GOLIM4: variants seen among roughly 807,000 people sequenced by gnomAD.
GOLIM4 encodes 130 kDa golgi-localized phosphoprotein.
In GOLIM4, 71 loss-of-function variants were observed where a neutral mutation model predicts 107.4. The observed-to-expected ratio is 0.66, with a 90% CI of 0.55 to 0.81. The LOEUF is 0.81. GOLIM4 is among the 30% of genes least tolerant of loss of function. The probability of loss-of-function intolerance (pLI) is 0.00; values close to 1 mark genes in which losing one functional copy is unlikely to be tolerated. For synonymous variants in GOLIM4, 327 were observed against 294.8 expected (o/e 1.11, Z -1.12); for missense variants, 830 against 826.1 (o/e 1.00, Z -0.06).
chr3:168,052,984 A>G (rs1168133860), intron 1 of GOLIM4, among the ~76,000 whole-genome samples: 1 of 152,246 alleles, frequency 6.6e-6, no homozygotes, highest in Non-Finnish European at 1.5e-5. Context: ...CCAAGAACTC[A>G]GGAGAAAAAG....
At chr3:168,027,705 G>A (rs777219528) in intron 12 of GOLIM4, 23 bp downstream of exon 12, 50 of 1,369,764 alleles carry the variant, frequency 3.7e-5, no homozygotes, top group Non-Finnish European at 5.2e-5. Context: ...ACATGTGTCA[G>A]GGGCAGAAGA....
chr3:168,044,863 A>G lies in GOLIM4; in HGVS notation c.331T>C (p.Tyr111His). The G allele has an allele frequency of 6.4e-7, 1 of 1,556,066 alleles. No homozygotes were observed. Among genetic ancestry groups the G allele is most frequent in the East Asian group, 2.2e-5 (1 of 44,478 alleles). Reference sequence around the variant, plus strand: ...TGATGTTGGACATTCAGTGCACTGTATCTGCTATTGGAATCTTGCTGTAAA... The same window carrying G: ...TGATGTTGGACATTCAGTGCACTGTGTCTGCTATTGGAATCTTGCTGTAAA... ...NKGRQDSNSRYSALNVQHQML... is the reference protein window; with the variant it reads ...NKGRQDSNSRHSALNVQHQML... The change falls in exon 4 of 16, where the codon TAC becomes CAC. Residue 111 changes from tyrosine to histidine, a missense_variant. Coordinates refer to ENST00000470487, the MANE Select transcript of GOLIM4 (RefSeq NM_014498.5).
intron 6 of GOLIM4, chr3:168,041,111 A>T: frequency 4.0e-6 from 2 of 502,026 alleles, no homozygotes; most frequent in South Asian, 7.0e-5. Flanking sequence ...CCAAAGAAAC[A>T]AATTTCTCAT....
Position 168,057,044 on chromosome 3 carries a change from G to A in GOLIM4, c.188-8679C>T, listed in dbSNP as rs1021443901. Among the ~76,000 whole-genome samples, 4 of 152,242 alleles carry A rather than the reference G, an allele frequency of 2.6e-5. No homozygotes were observed. The East Asian group carries it at 5.8e-4, about 22-fold the overall frequency. ...CATCTTGAATTCCCATATGTTGAGG[G>A]GGGGACCCGGTGGGAGGTAACCAAA... On this transcript the variant is annotated intron_variant, in intron 1 of 15. Coordinates refer to ENST00000470487, the MANE Select transcript of GOLIM4 (RefSeq NM_014498.5).
chr3:168,024,378 TGC>T, intron 14 of GOLIM4, 146 bp downstream of exon 14: 4 of 649,474 alleles, frequency 6.2e-6, no homozygotes, highest in African/African-American at 1.8e-5. Context: ...GATCCATTTT[TGC>T]TTTAAACCAC....
intron 1 of GOLIM4, among the ~76,000 whole-genome samples, chr3:168,059,802 G>A (rs2108266513): frequency 6.6e-6 from 1 of 152,296 alleles, no homozygotes; most frequent in South Asian, 2.1e-4. Flanking sequence ...AGGCCTCACT[G>A]AGAAGGATAT....
At chr3:168,067,894 T>C (rs959755752) in intron 1 of GOLIM4, among the ~76,000 whole-genome samples, 1 of 151,950 alleles carries the variant, frequency 6.6e-6, no homozygotes, top group Admixed American at 6.6e-5. Context: ...ATATACCTGA[T>C]ATTTATTGTG....
intron 1 of GOLIM4, among the ~76,000 whole-genome samples, chr3:168,071,510 T>C (rs1720828024): frequency 1.3e-5 from 2 of 151,812 alleles, no homozygotes; most frequent in Non-Finnish European, 2.9e-5. Context: ...TTCTTGATGA[T>C]AGGTGGAAAC....
intron 1 of GOLIM4, among the ~76,000 whole-genome samples, chr3:168,075,286 GTTTTT>G (rs374374393): frequency 1.1e-5 from 1 of 94,224 alleles, no homozygotes; most frequent in African/African-American, 4.3e-5. Flanking sequence ...ACATTCACTA[GTTTTT>G]TTTTTTTTTT....
chr3:168,048,586 C>A (rs1014294612), intron 1 of GOLIM4, among the ~76,000 whole-genome samples: 3 of 152,162 alleles, frequency 2.0e-5, no homozygotes, highest in Non-Finnish European at 4.4e-5. Flanking sequence ...AAAGCCAGTA[C>A]TCTGAATGAT....
chr3:168,039,218 T>C (rs1355106899), intron 7 of GOLIM4, among the ~76,000 whole-genome samples: 1 of 151,520 alleles, frequency 6.6e-6, no homozygotes, highest in Non-Finnish European at 1.5e-5. Context: ...CCAAAAAAGA[T>C]ATTTCAATAA....
chr3:168,073,373 T>C (rs1487851268), intron 1 of GOLIM4, among the ~76,000 whole-genome samples: 5 of 152,244 alleles, frequency 3.3e-5, no homozygotes, highest in African/African-American at 7.2e-5. Flanking sequence ...TAAACTCTTT[T>C]AGAATACAGG....
intron 1 of GOLIM4, among the ~76,000 whole-genome samples, chr3:168,052,336 G>A (rs80310631): frequency 0.017 from 2,594 of 151,688 alleles, 76 homozygotes; most frequent in African/African-American, 0.06. Context: ...TCATATGTAT[G>A]TGTATATGCA....
chr3:168,048,317 CT>C lies in GOLIM4; in HGVS notation c.235del (p.Arg79AspfsTer16). ...TTCCTTTGCTTTTTTATGTTCAAGT[CT>C]TTCTTTTTGCAAGGATTTCTCTAAT... ...SRLEKSLQKE[R>X]LEHKKAKEDF... On this transcript the variant is annotated frameshift_variant, in exon 2 of 16. Transcript: ENST00000470487. LOFTEE classifies it high-confidence loss of function. The C allele has an allele frequency of 6.5e-7, 1 of 1,534,840 alleles. No individual in the cohort carries two copies. Among genetic ancestry groups the C allele is most frequent in the Non-Finnish European group, 9.0e-7 (1 of 1,116,498 alleles).
chr3:168,041,018 G>A (rs1718966850), intron 6 of GOLIM4, 149 bp from the exon 7 acceptor site: 1 of 591,200 alleles, frequency 1.7e-6, no homozygotes, highest in Non-Finnish European at 3.0e-6. Flanking sequence ...ATCGTAGAGA[G>A]AACACTACGC....
chr3:168,026,055 A>C (rs576994963), intron 12 of GOLIM4, among the ~76,000 whole-genome samples: 2 of 152,316 alleles, frequency 1.3e-5, no homozygotes, highest in East Asian at 3.9e-4. Flanking sequence ...GGTCTCTATC[A>C]GTATTCTCCA....
At chr3:168,084,703 G>A (rs1192194546) in intron 1 of GOLIM4, among the ~76,000 whole-genome samples, 1 of 152,148 alleles carries the variant, frequency 6.6e-6, no homozygotes, top group Non-Finnish European at 1.5e-5. Flanking sequence ...TTGAAATGGG[G>A]TGCTGTCATA....
intron 1 of GOLIM4, among the ~76,000 whole-genome samples, chr3:168,082,197 T>C (rs532339673): frequency 1.3e-5 from 2 of 152,286 alleles, no homozygotes; most frequent in East Asian, 3.9e-4. Flanking sequence ...AGGACGTTCA[T>C]GAACCACCCC....
chr3:168,058,089 C>T (rs1259004272), intron 1 of GOLIM4, among the ~76,000 whole-genome samples: 1 of 151,948 alleles, frequency 6.6e-6, no homozygotes, highest in East Asian at 1.9e-4. Flanking sequence ...TTTCAGAATG[C>T]TGAGAAAAAA....
Sources: gnomAD v4.1 joint callset for allele counts (sites outside exome capture counted in the v4.1 genomes callset) on GRCh38, gnomAD v4.1.1 for gene constraint, MANE v1.5 for transcripts, NCBI Gene and HGNC (gene_info 2026-07-23, HGNC 2026-07-21) for gene names.